The following IDH3B variants were observed in gnomAD, a reference collection of about 807,000 sequenced individuals.
IDH3B encodes isocitrate dehydrogenase (NAD(+)) 3 non-catalytic subunit beta.
In IDH3B, 40 loss-of-function variants were observed where a neutral mutation model predicts 47.5. The ratio of observed to expected loss-of-function variants is 0.84; its 90% CI spans 0.65 to 1.10. The LOEUF (loss-of-function observed/expected upper bound fraction) is 1.10, where lower values mean the gene tolerates loss of function less well. IDH3B is among the 50% of genes least tolerant of loss of function. The pLI is 0.00. For missense variants in IDH3B, 450 were observed against 505.2 expected (o/e 0.89, Z 1.05); for synonymous variants, 185 against 191.0 (o/e 0.97, Z 0.26).
In IDH3B at chr20:2,660,596, TAAG is replaced by T. The variant is rs750305818; in HGVS notation, c.532-9_532-7del. ...TCAATCACACCCCTTGCACTCTGGG[TAAG>T]AAGAAAGCAGCAGCTAGGTGACACT... is the stretch of plus-strand genomic sequence containing the variant. On this transcript the variant is annotated splice_region_variant and splice_polypyrimidine_tract_variant and intron_variant, in intron 6 of 11. Transcript: ENST00000380843. The surrounding 1 kb of genome is among the most constrained non-coding windows in gnomAD (Gnocchi z 5.6). The T allele has an allele frequency of 5.6e-6, 9 of 1,613,892 alleles. No individual in the cohort carries two copies. Among genetic ancestry groups the T allele is most frequent in the Non-Finnish European group, 7.6e-6 (9 of 1,180,024 alleles).
intron 4 of IDH3B, among the ~76,000 whole-genome samples, chr20:2,661,235 C>T (rs1354268981): frequency 6.6e-6 from 1 of 151,700 alleles, no homozygotes; most frequent in Non-Finnish European, 1.5e-5. Context: ...CTCACTCTGT[C>T]GCCCAGGCTG....
Position 2,658,477 on chromosome 20 carries a change from T to C in IDH3B, c.*274A>G. On this transcript the variant is annotated 3_prime_UTR_variant, in exon 12 of 12. Coordinates refer to ENST00000380843, the MANE Select transcript of IDH3B (RefSeq NM_006899.5). The stretch of plus-strand genomic sequence containing the variant: ...GGCAAGGCAGCAATGACAGCCTCAG[T>C]GAAGTCATGGCAAGTAGCATAGCCA... 1.2e-6 allele frequency: 2 copies of C among 1,613,988 alleles called. No individual in the cohort carries two copies. The highest frequency in any genetic ancestry group is 1.7e-6 in the Non-Finnish European group (2 of 1,179,994).
chr20:2,658,771 G>A lies in IDH3B; in HGVS notation c.1138C>T (p.Leu380=), dbSNP rs1250538727. 2 of 1,614,074 alleles carry A rather than the reference G, an allele frequency of 1.2e-6. No individual in the cohort carries two copies. Among genetic ancestry groups the A allele is most frequent in the Non-Finnish European group, 8.5e-7 (1 of 1,180,032 alleles). The stretch of plus-strand genomic sequence containing the variant: ...GGGCTCTAGCTCCCTTTAGTCTGCA[G>A]GTGACCGATGACAGACTTGATGAAG... The part of the protein sequence containing the change: ...TDFIKSVIGH[L]QTKGS The change falls in exon 12 of 12, where the codon CTG becomes TTG. Residue 380 remains leucine, a synonymous_variant. Transcript: ENST00000380843.
chr20:2,660,165 A>T lies in IDH3B; in HGVS notation c.780T>A (p.Asn260Lys), dbSNP rs1443934340. The T allele has an allele frequency of 6.2e-7, 1 of 1,614,166 alleles. No homozygotes were observed. Among genetic ancestry groups the T allele is most frequent in the Non-Finnish European group, 8.5e-7 (1 of 1,180,024 alleles). ...TCACAAGCACATCAAACTGGTAAGGATTCTGCACCAGCTAGAGGGTGAGAT... is the reference window on the plus strand; with the variant it reads ...TCACAAGCACATCAAACTGGTAAGGTTTCTGCACCAGCTAGAGGGTGAGAT... ...IDNCCMQLVQ[N>K]PYQFDVLVMP... Residue 260 changes from asparagine (N) to lysine (K), a missense_variant, in exon 9 of 12, where the codon AAT (asparagine) becomes AAA (lysine). Coordinates refer to ENST00000380843, the MANE Select transcript of IDH3B (RefSeq NM_006899.5). This position sits in a 1 kb window ranked among gnomAD's most constrained non-coding sequence, Gnocchi z 5.6.
At position 2,659,519 on chromosome 20, in the gene IDH3B, A is replaced by T. The variant is rs768069056; in HGVS notation, c.1071+6T>A. 1 of 1,613,982 alleles carries T rather than the reference A, an allele frequency of 6.2e-7. No homozygotes were observed. The highest frequency in any genetic ancestry group is 1.1e-5 in the South Asian group (1 of 91,072). ...CCTGAAGCCAGCACTACTCTTCTCA[A>T]CTCACCTTGCCAACTTTGATCACCT... On this transcript the variant is annotated splice_donor_region_variant and intron_variant, in intron 11 of 11. Transcript: ENST00000380843.
chr20:2,659,518 A>G lies in IDH3B; in HGVS notation c.1071+7T>C. On this transcript the variant is annotated splice_region_variant and intron_variant, in intron 11 of 11. Transcript: ENST00000380843. Reference sequence around the variant, plus strand: ...TCCTGAAGCCAGCACTACTCTTCTCAACTCACCTTGCCAACTTTGATCACC... The same window carrying G: ...TCCTGAAGCCAGCACTACTCTTCTCGACTCACCTTGCCAACTTTGATCACC... 6.2e-7 allele frequency: 1 copy of G among 1,614,050 alleles called. No homozygotes were observed. Among genetic ancestry groups the G allele is most frequent in the Non-Finnish European group, 8.5e-7 (1 of 1,179,870 alleles).
Position 2,658,682 on chromosome 20 carries a change from T to A in IDH3B, c.*69A>T. 1.2e-6 allele frequency: 2 copies of A among 1,614,140 alleles called. No homozygotes were observed. The highest frequency in any genetic ancestry group is 3.3e-5 in the Admixed American group (2 of 60,022). The stretch of plus-strand genomic sequence containing the variant: ...CCACTGCTTAGAGGCACAAGGTCTC[T>A]TCCCTGGTACACTGCACTGAAGGGT... On this transcript the variant is annotated 3_prime_UTR_variant, in exon 12 of 12. Coordinates refer to ENST00000380843, the MANE Select transcript of IDH3B (RefSeq NM_006899.5).
chr20:2,662,585 G>A (rs2086967323), intron 4 of IDH3B, among the ~76,000 whole-genome samples: 1 of 152,164 alleles, frequency 6.6e-6, no homozygotes, highest in Non-Finnish European at 1.5e-5. Flanking sequence ...TTGGGATGCA[G>A]AGGTGGGTGG....
intron 11 of IDH3B, chr20:2,659,134 A>C: frequency 8.2e-7 from 1 of 1,222,162 alleles, no homozygotes; most frequent in Non-Finnish European, 1.0e-6. Flanking sequence ...TAGAGACAAG[A>C]CCAGGTGGAA....
chr20:2,661,202 T>TGTGTGTGTGTGTGC (rs1491115260), intron 4 of IDH3B, among the ~76,000 whole-genome samples: 5 of 151,202 alleles, frequency 3.3e-5, no homozygotes, highest in Admixed American at 6.6e-5. Context: ...TGTGTGTGTG[T>TGTGTGTGTGTGTGC]GCGTGTGTGA....
chr20:2,663,078 G>C (rs1318217847), intron 4 of IDH3B, among the ~76,000 whole-genome samples: 1 of 151,598 alleles, frequency 6.6e-6, no homozygotes, highest in Non-Finnish European at 1.5e-5. Flanking sequence ...AGTGAGCCGA[G>C]ATCGCGCCAC....
intron 2 of IDH3B, 79 bp from the exon 3 acceptor site, chr20:2,663,837 A>C (rs1304839917): frequency 6.3e-7 from 1 of 1,591,868 alleles, no homozygotes; most frequent in East Asian, 2.2e-5. Context: ...AAGTAGGGAG[A>C]CCCGGGAGGG....
intron 11 of IDH3B, 121 bp downstream of exon 11, chr20:2,659,404 G>C (rs888369015): frequency 8.4e-6 from 13 of 1,546,990 alleles, no homozygotes; most frequent in Non-Finnish European, 1.2e-5. Context: ...TCAGGGAGCA[G>C]ATGTTCTGGG....
In IDH3B at chr20:2,658,405, T is replaced by C; in HGVS notation, c.*346A>G. 6.2e-7 allele frequency: 1 copy of C among 1,613,282 alleles called. No homozygotes were observed. The highest frequency in any genetic ancestry group is 8.5e-7 in the Non-Finnish European group (1 of 1,179,630). ...ACAAATTCACAAGAGTTGGTTCATG[T>C]TCTTTATTGAACACCTTACATGGGT... On this transcript the variant is annotated 3_prime_UTR_variant, in exon 12 of 12. Transcript: ENST00000380843.
intron 4 of IDH3B, among the ~76,000 whole-genome samples, chr20:2,662,547 G>A (rs1326330414): frequency 6.6e-5 from 10 of 152,166 alleles, no homozygotes; most frequent in Non-Finnish European, 1.2e-4. Flanking sequence ...AGCTAGGCAC[G>A]GTGGCTCACG....
At chr20:2,659,006 A>G in intron 11 of IDH3B, 169 bp from the exon 12 acceptor site, 1 of 1,307,884 alleles carries the variant, frequency 7.6e-7, no homozygotes. Context: ...TGGACCTGCC[A>G]CTCCTCTTAA....
intron 4 of IDH3B, among the ~76,000 whole-genome samples, chr20:2,661,425 T>C (rs2086946499): frequency 6.6e-6 from 1 of 152,220 alleles, no homozygotes; most frequent in Non-Finnish European, 1.5e-5. Context: ...CTCAAACTCC[T>C]GACCTCAAGT....
chr20:2,660,854 T>G lies in IDH3B; in HGVS notation c.399-25A>C, dbSNP rs1261353240. On this transcript the variant is annotated intron_variant, in intron 5 of 11. Coordinates refer to ENST00000380843, the MANE Select transcript of IDH3B (RefSeq NM_006899.5). This position sits in a 1 kb window ranked among gnomAD's most constrained non-coding sequence, Gnocchi z 5.6. ...CCTGAGGGTGGGCAGGGCCATCAGC[T>G]CTGCTCCTGGTGCCCTGGCACCTCT... is the stretch of plus-strand genomic sequence containing the variant. 6.2e-7 allele frequency: 1 copy of G among 1,614,174 alleles called. No individual in the cohort carries two copies. The highest frequency in any genetic ancestry group is 8.5e-7 in the Non-Finnish European group (1 of 1,180,032).
In IDH3B at chr20:2,659,520, C is replaced by T. The variant is rs1381632044; in HGVS notation, c.1071+5G>A. The T allele has an allele frequency of 1.9e-6, 3 of 1,614,008 alleles. No individual in the cohort carries two copies. Among genetic ancestry groups the T allele is most frequent in the Non-Finnish European group, 2.5e-6 (3 of 1,179,942 alleles). ...CTGAAGCCAGCACTACTCTTCTCAA[C>T]TCACCTTGCCAACTTTGATCACCTT... On this transcript the variant is annotated splice_donor_5th_base_variant and intron_variant, in intron 11 of 11. Transcript: ENST00000380843.
Sources: allele counts gnomAD v4.1 joint callset (sites outside exome capture counted in the v4.1 genomes callset), GRCh38; gene constraint gnomAD v4.1.1; non-coding constraint Gnocchi (gnomAD v3.1); transcripts MANE v1.5; gene names NCBI Gene and HGNC (gene_info 2026-07-23, HGNC 2026-07-21).